NLGN4X: variants seen among roughly 807,000 people sequenced by gnomAD.
The protein encoded by NLGN4X is neuroligin-4, X-linked.
Under a neutral mutation model 40.3 loss-of-function variants are expected in NLGN4X, and 3 were observed. The ratio of observed to expected loss-of-function variants is 0.07; its 90% CI spans 0.03 to 0.19. The LOEUF (loss-of-function observed/expected upper bound fraction) is 0.19, where lower values mean the gene tolerates loss of function less well. Ranked by LOEUF, NLGN4X falls within the 10% of genes least tolerant of loss-of-function variation. The pLI, the probability that NLGN4X is intolerant of heterozygous loss-of-function variation, is 1.00. For missense variants in NLGN4X, 382 were observed against 708.3 expected (o/e 0.54, Z 5.23); for synonymous variants, 270 against 306.8 (o/e 0.88, Z 1.25).
At chrX:6,006,967 A>G (rs2036117689) in intron 3 of NLGN4X, among the ~76,000 whole-genome samples, 1 of 111,490 alleles carries the variant, frequency 9.0e-6, no homozygotes, top group African/African-American at 3.3e-5. Flanking sequence ...AAAGGAAAAG[A>G]AATGGTTCTA....
At chrX:5,990,231 A>G (rs1253330680) in intron 3 of NLGN4X, among the ~76,000 whole-genome samples, 1 of 111,234 alleles carries the variant, frequency 9.0e-6, no homozygotes, top group Non-Finnish European at 1.9e-5. Context: ...TATAACTGAC[A>G]TAATAATGTT....
chrX:5,986,910 G>GA (rs1398763140), intron 3 of NLGN4X, among the ~76,000 whole-genome samples: 1 of 112,089 alleles, frequency 8.9e-6, no homozygotes, highest in Non-Finnish European at 1.9e-5. Context: ...TTCTGTACTG[G>GA]AAAACAGTTC....
chrX:6,206,288 T>C (rs1405295353), intron 1 of NLGN4X, among the ~76,000 whole-genome samples: 2 of 111,930 alleles, frequency 1.8e-5, no homozygotes, highest in Admixed American at 1.9e-4. Context: ...TTCAGGTCCA[T>C]CCATTATGTA....
chrX:6,123,083 G>A (rs2039460149), intron 2 of NLGN4X, among the ~76,000 whole-genome samples: 2 of 109,594 alleles, frequency 1.8e-5, no homozygotes, highest in Admixed American at 9.9e-5. Context: ...GAAAGGCTGA[G>A]AATTTCCCAG....
chrX:6,029,449 A>T lies in NLGN4X; in HGVS notation c.473-17T>A, dbSNP rs1219558943. The T allele has an allele frequency of 1.7e-6, 2 of 1,204,534 alleles. No individual in the cohort carries two copies. Among genetic ancestry groups the T allele is most frequent in the South Asian group, 3.5e-5 (2 of 56,622 alleles). On this transcript the variant is annotated splice_polypyrimidine_tract_variant and intron_variant, in intron 2 of 5. Coordinates refer to ENST00000381095, the MANE Select transcript of NLGN4X (RefSeq NM_181332.3). ...CATGAATATCTGGAAAAAAAAGCCA[A>T]GTAAGGAAACACAATAAAGAATCAC...
At position 5,932,534 on chromosome X, in the gene NLGN4X, C is replaced by T. The variant is rs184864622; in HGVS notation, c.626-23295G>A. ...TTACAATAGACAAAATAAATATATT[C>T]GATCACCTAAGGGAATATATTTCAA... On this transcript the variant is annotated intron_variant, in intron 3 of 5. Transcript: ENST00000381095. Among the ~76,000 whole-genome samples the T allele has an allele frequency of 3.6e-5, 4 of 111,224 alleles. No individual in the cohort carries two copies. The East Asian group carries it at 1.1e-3, about 31-fold the overall frequency.
At chrX:6,136,224 C>T (rs2039816877) in intron 2 of NLGN4X, among the ~76,000 whole-genome samples, 1 of 112,492 alleles carries the variant, frequency 8.9e-6, no homozygotes, top group African/African-American at 3.2e-5. Context: ...GATTACTGTG[C>T]TCAGCTGAAA....
chrX:5,919,649 A>G lies in NLGN4X; in HGVS notation c.626-10410T>C, dbSNP rs897236276. 4.5e-5 allele frequency among the ~76,000 whole-genome samples: 5 copies of G among 111,393 alleles called. No individual in the cohort carries two copies. The South Asian group carries it at 1.5e-3, about 34-fold the overall frequency. On this transcript the variant is annotated intron_variant, in intron 3 of 5. Transcript: ENST00000381095. ...TTCAGCGGTGGCATTAGATTCTCAT[A>G]GGAGTGTGAACCCTACTGTGAACTG...
At chrX:6,156,816 C>A (rs772053203) in intron 1 of NLGN4X, among the ~76,000 whole-genome samples, 3 of 108,513 alleles carry the variant, frequency 2.8e-5, no homozygotes, top group African/African-American at 6.7e-5. Context: ...ATCCAATACA[C>A]CCAGGTAAAA....
intron 3 of NLGN4X, among the ~76,000 whole-genome samples, chrX:5,919,592 C>T (rs750487928): frequency 6.6e-4 from 74 of 111,282 alleles, no homozygotes; most frequent in Non-Finnish European, 1.1e-3. Context: ...CCCTACCACT[C>T]ACATTACCAC....
At chrX:6,039,227 T>G (rs2037097339) in intron 2 of NLGN4X, among the ~76,000 whole-genome samples, 1 of 111,587 alleles carries the variant, frequency 9.0e-6, no homozygotes, top group Non-Finnish European at 1.9e-5. Context: ...CTTACTCTCT[T>G]GAAATTCTGC....
intron 3 of NLGN4X, among the ~76,000 whole-genome samples, chrX:5,940,180 AATTTCTGATACTGG>A (rs2033876179): frequency 2.7e-5 from 3 of 111,650 alleles, no homozygotes; most frequent in Non-Finnish European, 5.6e-5. Context: ...AACAAAAACT[AATTTCTGATACTGG>A]CTTATTGAAA....
intron 1 of NLGN4X, among the ~76,000 whole-genome samples, chrX:6,203,845 G>T (rs961131847): frequency 8.9e-6 from 1 of 112,627 alleles, no homozygotes; most frequent in Non-Finnish European, 1.9e-5. Flanking sequence ...TTAACCTAAG[G>T]TTTAGAAGAA....
chrX:6,215,649 A>C (rs1925013773), intron 1 of NLGN4X, among the ~76,000 whole-genome samples: 1 of 111,290 alleles, frequency 9.0e-6, no homozygotes, highest in South Asian at 3.8e-4. Context: ...AAGTACATTC[A>C]AGTCCTAACA....
At chrX:5,917,773 G>A (rs2032868414) in intron 3 of NLGN4X, among the ~76,000 whole-genome samples, 1 of 112,086 alleles carries the variant, frequency 8.9e-6, no homozygotes, top group African/African-American at 3.2e-5. Context: ...TCAAATATAT[G>A]AAAGGAGTCC....
At chrX:6,225,009 TATACAC>T (rs1420289287) in intron 1 of NLGN4X, among the ~76,000 whole-genome samples, 544 of 48,310 alleles carry the variant, frequency 0.011, 2 homozygotes, top group Middle Eastern at 0.043. Flanking sequence ...TATATATATA[TATACAC>T]ACACACACAC....
intron 1 of NLGN4X, among the ~76,000 whole-genome samples, chrX:6,180,077 C>A: frequency 9.0e-6 from 1 of 111,386 alleles, no homozygotes; most frequent in Non-Finnish European, 1.9e-5. Flanking sequence ...TAAATAGATG[C>A]CCTTAATAAA....
chrX:5,967,485 A>G (rs1456806347), intron 3 of NLGN4X, among the ~76,000 whole-genome samples: 1 of 110,162 alleles, frequency 9.1e-6, no homozygotes, highest in African/African-American at 3.3e-5. Context: ...CACATGAGAG[A>G]CCTCTTATAA....
In NLGN4X at chrX:5,931,402, C is replaced by A. The variant is rs894411642; in HGVS notation, c.626-22163G>T. Among the ~76,000 whole-genome samples, 17 of 111,801 alleles carry A rather than the reference C, an allele frequency of 1.5e-4. No homozygotes were observed. The Admixed American group carries it at 1.5e-3, about 10-fold the overall frequency. On this transcript the variant is annotated intron_variant, in intron 3 of 5. Coordinates refer to ENST00000381095, the MANE Select transcript of NLGN4X (RefSeq NM_181332.3). The stretch of plus-strand genomic sequence containing the variant: ...ATGAAAGCCATTTAGAAAGTTTTGA[C>A]AAGTAATGAAATAAGTATATATGTT...
Sources: allele counts gnomAD v4.1 joint callset (sites outside exome capture counted in the v4.1 genomes callset), GRCh38; gene constraint gnomAD v4.1.1; transcripts MANE v1.5; gene names NCBI Gene and HGNC (gene_info 2026-07-23, HGNC 2026-07-21).